The following CASTOR2 variants were observed in gnomAD, a reference collection of about 807,000 sequenced individuals.
The protein encoded by CASTOR2 is cytosolic arginine sensor for mTORC1 subunit 2, also known as GATS protein like 2.
CASTOR2 carries 8 observed loss-of-function variants against 31.2 expected under a neutral mutation model. The observed-to-expected ratio is 0.26, with a 90% CI of 0.15 to 0.46. CASTOR2 has a LOEUF of 0.46. Among genes scored for constraint, CASTOR2 ranks in the 20% least tolerant of loss-of-function variants. The probability of loss-of-function intolerance (pLI) is 0.99; values close to 1 mark genes in which losing one functional copy is unlikely to be tolerated. For synonymous variants in CASTOR2, 162 were observed against 158.7 expected (o/e 1.02, Z -0.16); for missense variants, 216 against 382.1 (o/e 0.57, Z 3.62).
intron 7 of CASTOR2, among the ~76,000 whole-genome samples, chr7:75,024,026 G>A (rs953853892): frequency 9.2e-5 from 14 of 152,226 alleles, no homozygotes; most frequent in Non-Finnish European, 1.8e-4. Context: ...GGTGGCTCAC[G>A]CCTGTAATTC....
At chr7:74,985,585 C>CAAAAAAAAA (rs782053038) in intron 1 of CASTOR2, among the ~76,000 whole-genome samples, 1 of 67,546 alleles carries the variant, frequency 1.5e-5, no homozygotes, top group Non-Finnish European at 2.5e-5. Flanking sequence ...CAGCCTGGCT[C>CAAAAAAAAA]AAAAAAAAAA....
intron 1 of CASTOR2, among the ~76,000 whole-genome samples, chr7:74,965,854 A>T (rs1554434566): frequency 7.6e-5 from 1 of 13,136 alleles, no homozygotes; most frequent in Non-Finnish European, 1.2e-4. Context: ...AGGGAATCAC[A>T]CACACACACA....
intron 1 of CASTOR2, among the ~76,000 whole-genome samples, chr7:75,007,532 A>G (rs1378319996): frequency 2.0e-5 from 3 of 152,044 alleles, no homozygotes; most frequent in African/African-American, 7.2e-5. Flanking sequence ...GGAATTAGGC[A>G]TTTTTATGAC....
chr7:75,005,662 C>T (rs1387046820), intron 1 of CASTOR2, among the ~76,000 whole-genome samples: 2 of 152,216 alleles, frequency 1.3e-5, no homozygotes, highest in African/African-American at 2.4e-5. Flanking sequence ...AGCAGGATAG[C>T]TGAGGCTGGG....
intron 1 of CASTOR2, among the ~76,000 whole-genome samples, chr7:74,998,525 C>A (rs1189450143): frequency 6.7e-6 from 1 of 150,150 alleles, no homozygotes; most frequent in East Asian, 2.0e-4. Flanking sequence ...ATCGCTTGAA[C>A]ATGGGAGACA....
intron 2 of CASTOR2, among the ~76,000 whole-genome samples, chr7:75,011,343 CA>C (rs1804738672): frequency 6.6e-6 from 1 of 150,882 alleles, no homozygotes; most frequent in Non-Finnish European, 1.5e-5. Flanking sequence ...GAAGGAGAAT[CA>C]CCTGAACCCA....
At chr7:74,972,387 C>G (rs1563052974) in intron 1 of CASTOR2, among the ~76,000 whole-genome samples, 1 of 150,712 alleles carries the variant, frequency 6.6e-6, no homozygotes, top group African/African-American at 2.4e-5. Context: ...CCCCAAAGTG[C>G]TGAGATTACA....
chr7:75,009,952 C>T (rs1426890920), intron 2 of CASTOR2, among the ~76,000 whole-genome samples: 4 of 146,720 alleles, frequency 2.7e-5, no homozygotes, highest in African/African-American at 1.0e-4. Flanking sequence ...AGTACAGTGG[C>T]TAATCACAGG....
intron 6 of CASTOR2, 128 bp downstream of exon 6, chr7:75,020,277 C>G (rs892214024): frequency 3.9e-5 from 37 of 939,248 alleles, no homozygotes; most frequent in Middle Eastern, 3.3e-4. Flanking sequence ...GGGTCTCGCT[C>G]TGTCGCCCAG....
At chr7:74,997,809 C>T (rs1433396393) in intron 1 of CASTOR2, among the ~76,000 whole-genome samples, 1 of 151,880 alleles carries the variant, frequency 6.6e-6, no homozygotes, top group Non-Finnish European at 1.5e-5. Context: ...TGTCTGGGGA[C>T]TTGTTTTTCA....
intron 1 of CASTOR2, among the ~76,000 whole-genome samples, chr7:74,996,729 TTTTTTTTTTTTTTTTTG>T (rs1464241290): frequency 9.9e-5 from 11 of 111,072 alleles, no homozygotes; most frequent in Non-Finnish European, 1.7e-4. Flanking sequence ...TTTTTTTTTT[TTTTTTTTTTTTTTTTTG>T]GAGACAGAAT....
At chr7:74,992,965 C>T (rs1804247720) in intron 1 of CASTOR2, among the ~76,000 whole-genome samples, 1 of 151,946 alleles carries the variant, frequency 6.6e-6, no homozygotes, top group African/African-American at 2.4e-5. Context: ...CTTTGGGAGG[C>T]CGAGGCAGGT....
intron 1 of CASTOR2, among the ~76,000 whole-genome samples, chr7:74,999,470 C>T (rs1321385989): frequency 6.6e-6 from 1 of 151,962 alleles, no homozygotes; most frequent in Non-Finnish European, 1.5e-5. Flanking sequence ...CCATTGAAAA[C>T]CCAGGAGAAA....
intron 1 of CASTOR2, among the ~76,000 whole-genome samples, chr7:74,994,772 C>G (rs1336358058): frequency 6.6e-6 from 1 of 151,776 alleles, no homozygotes; most frequent in Non-Finnish European, 1.5e-5. Flanking sequence ...AAGAATCAAC[C>G]AAGGTGGTTG....
chr7:74,989,206 C>G (rs71539251), intron 1 of CASTOR2, among the ~76,000 whole-genome samples: 2 of 150,902 alleles, frequency 1.3e-5, no homozygotes, highest in Non-Finnish European at 2.9e-5. Flanking sequence ...CCTCGTGATT[C>G]GCCCATCTCG....
chr7:75,002,169 A>G (rs1366599824), intron 1 of CASTOR2, among the ~76,000 whole-genome samples: 1 of 151,292 alleles, frequency 6.6e-6, no homozygotes, highest in African/African-American at 2.4e-5. Flanking sequence ...CAAGAGATCC[A>G]TTCACCTCCA....
At chr7:74,985,778 G>A (rs1234666504) in intron 1 of CASTOR2, among the ~76,000 whole-genome samples, 44 of 152,070 alleles carry the variant, frequency 2.9e-4, no homozygotes, top group African/African-American at 4.6e-4. Context: ...ATGGCATCAC[G>A]GACAGACCAA....
At position 75,017,698 on chromosome 7, in the gene CASTOR2, C is replaced by A; in HGVS notation, c.285C>A (p.Gly95=). Residue 95 remains glycine (G), a synonymous_variant, in exon 3 of 9, where the codon GGC becomes GGA. Coordinates refer to ENST00000616305, the MANE Select transcript of CASTOR2 (RefSeq NM_001145064.3). ...GGSFSSSQPI[G]VTKIAKSVIA... ...GCTTCTCCAGCTCCCAGCCCATCGG[C>A]GTGACCAAGATCGCCAAGTCAGTCA... 3.1e-6 allele frequency: 5 copies of A among 1,614,014 alleles called. No homozygotes were observed. Among genetic ancestry groups the A allele is most frequent in the Non-Finnish European group, 4.2e-6 (5 of 1,179,872 alleles).
At chr7:75,009,884 A>AT (rs1186959059) in intron 2 of CASTOR2, among the ~76,000 whole-genome samples, 2,345 of 128,672 alleles carry the variant, frequency 0.018, 38 homozygotes, top group African/African-American at 0.045. Context: ...CAGGCACTTA[A>AT]TTTTTTTTTT....
Sources: allele counts gnomAD v4.1 joint callset (sites outside exome capture counted in the v4.1 genomes callset), GRCh38; gene constraint gnomAD v4.1.1; transcripts MANE v1.5; gene names NCBI Gene and HGNC (gene_info 2026-07-23, HGNC 2026-07-21).